The following ELMO1 variants were observed in gnomAD, a reference collection of about 807,000 sequenced individuals.
ELMO1 encodes the protein engulfment and cell motility 1.
Under a neutral mutation model 98.9 loss-of-function variants are expected in ELMO1, and 26 were observed. The observed-to-expected ratio is 0.26, with a 90% CI of 0.19 to 0.36. The LOEUF (loss-of-function observed/expected upper bound fraction) is 0.36. ELMO1 is among the 10% of genes least tolerant of loss of function. The pLI is 1.00. For synonymous variants in ELMO1, 346 were observed against 346.0 expected, an observed-to-expected ratio of 1.00 and a Z score of 0.00; for missense variants, 627 against 935.2, an observed-to-expected ratio of 0.67 and a Z score of 4.30.
intron 13 of ELMO1, among the ~76,000 whole-genome samples, chr7:37,197,474 G>A (rs1792034931): frequency 6.6e-6 from 1 of 152,184 alleles, no homozygotes; most frequent in South Asian, 2.1e-4. Flanking sequence ...CTCTCCCGAG[G>A]TCACATCACA....
intron 13 of ELMO1, among the ~76,000 whole-genome samples, chr7:37,152,841 A>C (rs1251349051): frequency 6.6e-6 from 1 of 152,254 alleles, no homozygotes; most frequent in Non-Finnish European, 1.5e-5. Context: ...GAGCATGTTC[A>C]TGATGAACTG....
intron 1 of ELMO1, chr7:37,375,741 T>A (rs1802312435): frequency 8.3e-7 from 1 of 1,203,318 alleles, no homozygotes; most frequent in African/African-American, 1.5e-5. Context: ...ACCTTACCAA[T>A]GAGGGTATCC....
intron 14 of ELMO1, among the ~76,000 whole-genome samples, chr7:37,099,016 G>A (rs926687425): frequency 6.6e-6 from 1 of 152,206 alleles, no homozygotes; most frequent in Non-Finnish European, 1.5e-5. Context: ...ACTGTAGGTA[G>A]AATTACTGCA....
At chr7:37,416,344 C>G (rs1324332980) in intron 1 of ELMO1, among the ~76,000 whole-genome samples, 2 of 152,188 alleles carry the variant, frequency 1.3e-5, no homozygotes, top group African/African-American at 2.4e-5. Context: ...CATATATTTT[C>G]CAAAGTTATG....
intron 1 of ELMO1, among the ~76,000 whole-genome samples, chr7:37,431,318 C>T (rs903802795): frequency 6.7e-6 from 1 of 149,730 alleles, no homozygotes; most frequent in Admixed American, 6.7e-5. Context: ...GCCTGGGTGA[C>T]AGAGCAAGAC....
At chr7:37,249,990 G>T (rs1050184659) in intron 6 of ELMO1, among the ~76,000 whole-genome samples, 13 of 152,062 alleles carry the variant, frequency 8.5e-5, no homozygotes, top group African/African-American at 3.1e-4. Flanking sequence ...GAGGCAGGAG[G>T]ACTGCTTAAG....
chr7:37,159,642 T>G (rs1210520232), intron 13 of ELMO1, among the ~76,000 whole-genome samples: 3 of 151,876 alleles, frequency 2.0e-5, no homozygotes, highest in Non-Finnish European at 4.4e-5. Context: ...GAGGTTGCTG[T>G]GAGCCAAGAT....
intron 2 of ELMO1, among the ~76,000 whole-genome samples, chr7:37,340,728 G>A (rs1962164): frequency 0.84 from 127,669 of 152,092 alleles, 54,070 homozygotes; most frequent in Non-Finnish European, 0.91. Flanking sequence ...TCCAAAATAA[G>A]CAGATAATTT....
intron 1 of ELMO1, among the ~76,000 whole-genome samples, chr7:37,347,731 T>C (rs1801075398): frequency 6.6e-6 from 1 of 152,106 alleles, no homozygotes; most frequent in Non-Finnish European, 1.5e-5. Flanking sequence ...CGTATGTCTT[T>C]ATTAGCAGCA....
chr7:37,040,510 AGCATGT>A (rs2129194374), intron 15 of ELMO1, among the ~76,000 whole-genome samples: 1 of 152,342 alleles, frequency 6.6e-6, no homozygotes, highest in Non-Finnish European at 1.5e-5. Context: ...AGCTGCCATC[AGCATGT>A]GCATGATGTG....
intron 14 of ELMO1, among the ~76,000 whole-genome samples, chr7:37,127,375 C>T (rs1786599753): frequency 6.6e-6 from 1 of 152,172 alleles, no homozygotes; most frequent in Non-Finnish European, 1.5e-5. Flanking sequence ...CCTTTCCCTC[C>T]ATTCCAAGAA....
At chr7:37,264,541 G>C (rs113617066) in intron 5 of ELMO1, among the ~76,000 whole-genome samples, 7 of 152,204 alleles carry the variant, frequency 4.6e-5, no homozygotes, top group African/African-American at 1.7e-4. Context: ...AAAAAAATAA[G>C]ATAGCCTTGG....
At position 36,914,106 on chromosome 7, in the gene ELMO1, G is replaced by A. The variant is rs537459265; in HGVS notation, c.1438-19089C>T. ...TCTTGAAAGGAGAGCGTAAGGAAAG[G>A]GTAAGGAAAGCAGTTCACAAATAAG... is the stretch of plus-strand genomic sequence containing the variant. On this transcript the variant is annotated intron_variant, in intron 16 of 21. Transcript: ENST00000310758. Among the ~76,000 whole-genome samples the A allele has an allele frequency of 1.7e-4, 26 of 152,306 alleles. No homozygotes were observed. In the South Asian group the frequency reaches 5.4e-3, roughly 32 times the overall value.
chr7:37,343,774 C>T (rs1800844891), intron 1 of ELMO1, among the ~76,000 whole-genome samples: 1 of 152,076 alleles, frequency 6.6e-6, no homozygotes, highest in Non-Finnish European at 1.5e-5. Context: ...CTGGCCCAGC[C>T]CCATTTCTTT....
chr7:37,012,666 G>GA (rs1793641490), intron 16 of ELMO1, among the ~76,000 whole-genome samples: 1 of 152,196 alleles, frequency 6.6e-6, no homozygotes, highest in Non-Finnish European at 1.5e-5. Context: ...ATGGAAATGT[G>GA]AAAGTCACAC....
At chr7:37,309,083 CATGCTGCTA>C (rs1798766011) in intron 4 of ELMO1, among the ~76,000 whole-genome samples, 1 of 152,152 alleles carries the variant, frequency 6.6e-6, no homozygotes, top group South Asian at 2.1e-4. Flanking sequence ...AGTCCGTTCT[CATGCTGCTA>C]ATAAAGACAT....
At chr7:36,922,205 C>A (rs1338654073) in intron 16 of ELMO1, among the ~76,000 whole-genome samples, 2 of 152,078 alleles carry the variant, frequency 1.3e-5, no homozygotes, top group Non-Finnish European at 2.9e-5. Context: ...AAAGCAAACC[C>A]ACAGATTCAT....
intron 2 of ELMO1, among the ~76,000 whole-genome samples, chr7:37,325,783 A>G (rs1250294404): frequency 6.6e-6 from 1 of 152,194 alleles, no homozygotes; most frequent in African/African-American, 2.4e-5. Flanking sequence ...GGAAGAAAAG[A>G]AATCTAGCTT....
intron 14 of ELMO1, among the ~76,000 whole-genome samples, chr7:37,114,021 G>A (rs1785409311): frequency 6.6e-6 from 1 of 152,226 alleles, no homozygotes; most frequent in South Asian, 2.1e-4. Flanking sequence ...TCTGTGGGTG[G>A]AGTTGAGGGA....
Sources: gnomAD v4.1 joint callset for allele counts (sites outside exome capture counted in the v4.1 genomes callset) on GRCh38, gnomAD v4.1.1 for gene constraint, MANE v1.5 for transcripts, NCBI Gene and HGNC (gene_info 2026-07-23, HGNC 2026-07-21) for gene names.